AGBL4: variants seen among roughly 807,000 people sequenced by gnomAD.
The protein encoded by AGBL4 is cytosolic carboxypeptidase 6.
AGBL4 carries 58 observed loss-of-function variants against 66.4 expected under a neutral mutation model. That is an observed-to-expected ratio of 0.87 (90% CI 0.71 to 1.09). AGBL4 has a LOEUF of 1.09. Among genes scored for constraint, AGBL4 ranks in the 50% least tolerant of loss-of-function variants. The pLI, the probability that AGBL4 is intolerant of heterozygous loss-of-function variation, is 0.00. For missense variants in AGBL4, 579 were observed against 631.0 expected (o/e 0.92, Z 0.88); for synonymous variants, 234 against 222.9 (o/e 1.05, Z -0.44).
intron 5 of AGBL4, among the ~76,000 whole-genome samples, chr1:48,889,705 A>G (rs889291143): frequency 1.3e-5 from 2 of 152,174 alleles, no homozygotes; most frequent in Non-Finnish European, 2.9e-5. Context: ...CAAGGTTAAC[A>G]GCTGAACTCC....
At chr1:49,301,549 A>T (rs867893264) in intron 3 of AGBL4, among the ~76,000 whole-genome samples, 3 of 152,186 alleles carry the variant, frequency 2.0e-5, no homozygotes, top group African/African-American at 7.2e-5. Flanking sequence ...AAAGGACACA[A>T]GGTTAAAATT....
chr1:49,376,941 T>A (rs1644484225), intron 3 of AGBL4, among the ~76,000 whole-genome samples: 1 of 152,144 alleles, frequency 6.6e-6, no homozygotes, highest in African/African-American at 2.4e-5. Flanking sequence ...GTTCAATAAA[T>A]GTTTGATGAA....
chr1:48,667,402 AGGAGG>A (rs1646206318), intron 6 of AGBL4, among the ~76,000 whole-genome samples: 1 of 152,216 alleles, frequency 6.6e-6, no homozygotes, highest in Non-Finnish European at 1.5e-5. Context: ...GATAGCAGCC[AGGAGG>A]AACTGAGGTT....
chr1:48,847,543 A>G (rs1372961347), intron 6 of AGBL4, among the ~76,000 whole-genome samples: 1 of 152,196 alleles, frequency 6.6e-6, no homozygotes, highest in Non-Finnish European at 1.5e-5. Context: ...TGATATTTAC[A>G]ATTATAAGAT....
At chr1:48,900,085 C>G (rs570722769) in intron 5 of AGBL4, among the ~76,000 whole-genome samples, 1 of 151,954 alleles carries the variant, frequency 6.6e-6, no homozygotes, top group East Asian at 1.9e-4. Context: ...TGGAGTGCTC[C>G]AGTCAGAGAG....
intron 9 of AGBL4, 84 bp from the exon 10 acceptor site, chr1:48,591,069 ACCC>A: frequency 2.0e-6 from 2 of 1,018,754 alleles, no homozygotes; most frequent in Non-Finnish European, 2.7e-6. Context: ...ACACACACAC[ACCC>A]CCCACACACA....
intron 6 of AGBL4, among the ~76,000 whole-genome samples, chr1:48,755,134 T>C (rs1040275291): frequency 2.6e-5 from 4 of 152,184 alleles, no homozygotes; most frequent in African/African-American, 9.7e-5. Flanking sequence ...CTTGCTGCTA[T>C]CCCCCACCCT....
At chr1:49,422,613 C>A (rs1645569021) in intron 3 of AGBL4, among the ~76,000 whole-genome samples, 1 of 152,198 alleles carries the variant, frequency 6.6e-6, no homozygotes, top group South Asian at 2.1e-4. Flanking sequence ...TCCTTTGACT[C>A]ATATATTTAA....
chr1:49,335,140 C>T (rs922279387), intron 3 of AGBL4, among the ~76,000 whole-genome samples: 2 of 152,218 alleles, frequency 1.3e-5, no homozygotes, highest in African/African-American at 2.4e-5. Flanking sequence ...TCAAAATCTG[C>T]TTCTCCCACA....
intron 3 of AGBL4, among the ~76,000 whole-genome samples, chr1:49,619,299 A>C (rs973496173): frequency 6.6e-5 from 10 of 152,280 alleles, no homozygotes; most frequent in Admixed American, 2.6e-4. Flanking sequence ...ATGTGCAAAA[A>C]CCACAAGCAT....
At chr1:49,602,963 T>TTAATTCA (rs1469989010) in intron 3 of AGBL4, among the ~76,000 whole-genome samples, 1 of 152,164 alleles carries the variant, frequency 6.6e-6, no homozygotes, top group Non-Finnish European at 1.5e-5. Context: ...ATTAACTCAC[T>TTAATTCA]TAATTCATAC....
At chr1:49,559,712 C>G (rs1232276389) in intron 3 of AGBL4, among the ~76,000 whole-genome samples, 2 of 152,142 alleles carry the variant, frequency 1.3e-5, no homozygotes, top group Non-Finnish European at 2.9e-5. Context: ...TGAACTTACA[C>G]CAGTGGTTTG....
intron 1 of AGBL4, among the ~76,000 whole-genome samples, chr1:49,924,480 TAA>T (rs1239994790): frequency 6.6e-6 from 1 of 152,124 alleles, no homozygotes; most frequent in Non-Finnish European, 1.5e-5. Flanking sequence ...AAATATAAAA[TAA>T]AAAGTTTTAT....
At chr1:48,669,836 G>A (rs537583731) in intron 6 of AGBL4, among the ~76,000 whole-genome samples, 2 of 152,262 alleles carry the variant, frequency 1.3e-5, no homozygotes, top group East Asian at 3.9e-4. Flanking sequence ...CTGAGCCTCT[G>A]GGCCGTCCTG....
At chr1:49,931,359 A>T (rs1309121274) in intron 1 of AGBL4, among the ~76,000 whole-genome samples, 1 of 152,192 alleles carries the variant, frequency 6.6e-6, no homozygotes, top group Non-Finnish European at 1.5e-5. Context: ...GAGACTGGGT[A>T]ATTTATAAAC....
intron 6 of AGBL4, among the ~76,000 whole-genome samples, chr1:48,814,085 A>T (rs1186196300): frequency 6.6e-6 from 1 of 152,044 alleles, no homozygotes; most frequent in Non-Finnish European, 1.5e-5. Context: ...TCCTGTCATG[A>T]TGTTATTTCA....
chr1:49,543,043 A>G (rs1180703325), intron 3 of AGBL4, among the ~76,000 whole-genome samples: 1 of 152,032 alleles, frequency 6.6e-6, no homozygotes, highest in African/African-American at 2.4e-5. Flanking sequence ...CCACTAGGTG[A>G]CAATAACAAG....
chr1:49,521,184 T>C (rs72684902), intron 3 of AGBL4, among the ~76,000 whole-genome samples: 3 of 152,186 alleles, frequency 2.0e-5, no homozygotes, highest in Non-Finnish European at 4.4e-5. Flanking sequence ...AAAATTTTGC[T>C]GCCCAAAGCA....
At chr1:49,726,686 A>G (rs1649054528) in intron 2 of AGBL4, among the ~76,000 whole-genome samples, 1 of 152,208 alleles carries the variant, frequency 6.6e-6, no homozygotes, top group African/African-American at 2.4e-5. Flanking sequence ...AAATAAATAA[A>G]TAAAAATAAA....
Sources: allele counts gnomAD v4.1 joint callset (sites outside exome capture counted in the v4.1 genomes callset), GRCh38; gene constraint gnomAD v4.1.1; transcripts MANE v1.5; gene names NCBI Gene and HGNC (gene_info 2026-07-23, HGNC 2026-07-21).